DGKB: variants seen among roughly 807,000 people sequenced by gnomAD.
The protein encoded by DGKB is diacylglycerol kinase beta, also known as 90 kDa diacylglycerol kinase.
In DGKB, 67 loss-of-function variants were observed where a neutral mutation model predicts 114.3. That is an observed-to-expected ratio of 0.59 (90% CI 0.48 to 0.72). The LOEUF (loss-of-function observed/expected upper bound fraction) is 0.72. Ranked by LOEUF, DGKB falls within the 30% of genes least tolerant of loss-of-function variation. DGKB has a pLI of 0.00. For missense variants in DGKB, 907 were observed against 975.2 expected, an observed-to-expected ratio of 0.93 and a Z score of 0.93; for synonymous variants, 398 against 323.1, an observed-to-expected ratio of 1.23 and a Z score of -2.49.
upstream of DGKB, among the ~76,000 whole-genome samples, chr7:14,906,754 A>C (rs1783732618): frequency 6.6e-6 from 1 of 152,180 alleles, no homozygotes; most frequent in Non-Finnish European, 1.5e-5. Flanking sequence ...CCCGGCCTCC[A>C]GAAATCCATC....
intron 1 of DGKB, among the ~76,000 whole-genome samples, chr7:14,961,041 C>A (rs78593137): frequency 0.011 from 1,669 of 152,118 alleles, 35 homozygotes; most frequent in African/African-American, 0.037. Flanking sequence ...AAATCACTGA[C>A]ATGAGGTGGA....
chr7:14,362,189 CA>C (rs888871085), intron 21 of DGKB, among the ~76,000 whole-genome samples: 2 of 151,972 alleles, frequency 1.3e-5, no homozygotes, highest in Non-Finnish European at 2.9e-5. Flanking sequence ...ATCAAATGTT[CA>C]TAAAATAAAT....
Position 14,607,492 on chromosome 7 carries a change from G to T in DGKB, c.1375C>A (p.Gln459Lys). The T allele has an allele frequency of 6.4e-7, 1 of 1,566,932 alleles. No individual in the cohort carries two copies. The highest frequency in any genetic ancestry group is 8.8e-7 in the Non-Finnish European group (1 of 1,141,364). Residue 459 changes from glutamine (Q) to lysine (K), a missense_variant, in exon 17 of 26, where the codon CAG (glutamine) becomes AAG (lysine). Gln to Lys is a moderately conservative substitution (Grantham distance 53, BLOSUM62 1). This residue lies in a region of DGKB where 814 missense variants were observed against 856.6 expected (regional missense o/e 0.95). Transcript: ENST00000402815. Reference sequence around the variant, plus strand: ...ACCTGACGAGGATTTAATAGATACTGGAATTTTCTGTAAATTCTATAAAGG... The same window carrying T: ...ACCTGACGAGGATTTAATAGATACTTGAATTTTCTGTAAATTCTATAAAGG... ...KQGERIYRKF[Q>K]YLLNPRQVYS...
chr7:14,470,719 A>C (rs1314259878), intron 21 of DGKB, among the ~76,000 whole-genome samples: 1 of 151,790 alleles, frequency 6.6e-6, no homozygotes, highest in Non-Finnish European at 1.5e-5. Context: ...ATACACATTT[A>C]AGAGAATATC....
At position 14,698,171 on chromosome 7, in the gene DGKB, T is replaced by A; in HGVS notation, c.517-2A>T. The A allele has an allele frequency of 6.6e-7, 1 of 1,510,664 alleles. No individual in the cohort carries two copies. The highest frequency in any genetic ancestry group is 8.9e-7 in the Non-Finnish European group (1 of 1,126,910). The allele number at this position is 1,510,664 out of a possible 1,614,324, so 93.6% of individuals were successfully genotyped here. ...CTGACTGATGATATTTTCTAGCTCC[T>A]GGAAGAGAAAGAGAGATAAAAAATA... On this transcript the variant is annotated splice_acceptor_variant, in intron 7 of 25. Coordinates refer to ENST00000402815, the MANE Select transcript of DGKB (RefSeq NM_001350709.2). LOFTEE classifies it high-confidence loss of function.
intron 20 of DGKB, among the ~76,000 whole-genome samples, chr7:14,566,401 A>T (rs1457707235): frequency 1.3e-5 from 2 of 152,174 alleles, no homozygotes; most frequent in African/African-American, 4.8e-5. Context: ...AAAATAAGAC[A>T]TTGGCTGGGT....
chr7:14,468,374 G>A (rs1780787976), intron 21 of DGKB, among the ~76,000 whole-genome samples: 1 of 152,046 alleles, frequency 6.6e-6, no homozygotes, highest in South Asian at 2.1e-4. Context: ...AACCTAGGTG[G>A]CAGGGCTGAA....
At chr7:14,153,504 T>C (rs1406055218) in intron 25 of DGKB, among the ~76,000 whole-genome samples, 1 of 152,082 alleles carries the variant, frequency 6.6e-6, no homozygotes, top group Admixed American at 6.6e-5. Flanking sequence ...TTAAAAGGGT[T>C]CTGCTACCTG....
chr7:14,715,723 T>C lies in DGKB; in HGVS notation c.466+2819A>G, dbSNP rs2128342890. On this transcript the variant is annotated intron_variant, in intron 6 of 25. Transcript: ENST00000402815. ...TGCTAGATACTGGGAAACTGTGACT[T>C]CAAGCAAAACAATGTACAGAGGGTT... 3.3e-5 allele frequency among the ~76,000 whole-genome samples: 5 copies of C among 152,300 alleles called. No homozygotes were observed. The Middle Eastern group carries it at 0.014, about 414-fold the overall frequency.
chr7:14,762,821 T>G (rs1483292526), intron 2 of DGKB, among the ~76,000 whole-genome samples: 3 of 152,144 alleles, frequency 2.0e-5, no homozygotes, highest in Non-Finnish European at 2.9e-5. Context: ...TTTTAACCTC[T>G]CTATGGTTCA....
At chr7:14,413,296 G>T (rs1215823980) in intron 21 of DGKB, among the ~76,000 whole-genome samples, 2 of 152,130 alleles carry the variant, frequency 1.3e-5, no homozygotes, top group Non-Finnish European at 2.9e-5. Flanking sequence ...AGATGACATA[G>T]AACTTTTACT....
chr7:14,377,489 T>C (rs1041619306), intron 21 of DGKB, among the ~76,000 whole-genome samples: 20 of 152,250 alleles, frequency 1.3e-4, no homozygotes, highest in African/African-American at 3.9e-4. Flanking sequence ...CTTTCTTTTC[T>C]TGAGGGCCAT....
At chr7:14,644,132 C>T (rs1585293466) in intron 13 of DGKB, among the ~76,000 whole-genome samples, 1 of 145,894 alleles carries the variant, frequency 6.9e-6, no homozygotes, top group South Asian at 2.1e-4. Context: ...AAAAAAAAAT[C>T]ATATGGAGAA....
At chr7:14,793,316 C>G (rs1449662372) in intron 2 of DGKB, among the ~76,000 whole-genome samples, 4 of 152,092 alleles carry the variant, frequency 2.6e-5, no homozygotes, top group Non-Finnish European at 5.9e-5. Context: ...CCCGCCAATC[C>G]TGCCTGATTG....
chr7:14,705,819 T>A (rs2129018449), intron 6 of DGKB, among the ~76,000 whole-genome samples: 1 of 151,590 alleles, frequency 6.6e-6, no homozygotes, highest in South Asian at 2.1e-4. Context: ...AAGGAAGCGC[T>A]AAATATGGAA....
At chr7:14,380,274 G>C (rs1046450709) in intron 21 of DGKB, among the ~76,000 whole-genome samples, 1 of 151,408 alleles carries the variant, frequency 6.6e-6, no homozygotes, top group Non-Finnish European at 1.5e-5. Context: ...AATAAACAAT[G>C]GCAGCATGTT....
intron 2 of DGKB, among the ~76,000 whole-genome samples, chr7:14,764,404 G>A (rs1836155249): frequency 6.6e-6 from 1 of 151,810 alleles, no homozygotes; most frequent in Admixed American, 6.6e-5. Context: ...TAGCTACATA[G>A]TACTTAAAAG....
intron 1 of DGKB, among the ~76,000 whole-genome samples, chr7:14,873,862 C>T (rs1239169953): frequency 6.6e-6 from 1 of 152,018 alleles, no homozygotes; most frequent in East Asian, 1.9e-4. Context: ...TTAGTAATGG[C>T]TGTATGTATT....
intron 2 of DGKB, among the ~76,000 whole-genome samples, chr7:14,804,710 C>A (rs1240687738): frequency 6.6e-6 from 1 of 151,984 alleles, no homozygotes; most frequent in Non-Finnish European, 1.5e-5. Flanking sequence ...ACTTTAACTT[C>A]ATCTATGCTA....
Sources: allele counts gnomAD v4.1 joint callset (sites outside exome capture counted in the v4.1 genomes callset), GRCh38; gene constraint gnomAD v4.1.1; regional missense constraint gnomAD v4.1.1; transcripts MANE v1.5; gene names NCBI Gene and HGNC (gene_info 2026-07-23, HGNC 2026-07-21).